The following SLC4A10 variants were observed in gnomAD, a reference collection of about 807,000 sequenced individuals.
SLC4A10 encodes sodium-driven chloride bicarbonate exchanger.
A neutral mutation model predicts 137.7 loss-of-function variants in SLC4A10; 42 were observed. The ratio of observed to expected loss-of-function variants is 0.30; its 90% CI spans 0.24 to 0.39. The LOEUF (loss-of-function observed/expected upper bound fraction) is 0.39, where lower values mean the gene tolerates loss of function less well. SLC4A10 is among the 10% of genes least tolerant of loss of function. The pLI is 1.00. For missense variants in SLC4A10, 925 were observed against 1,355.0 expected (o/e 0.68, Z 4.98); for synonymous variants, 474 against 464.1 (o/e 1.02, Z -0.27).
chr2:161,697,144 G>T (rs1182805711), intron 1 of SLC4A10, among the ~76,000 whole-genome samples: 1 of 151,798 alleles, frequency 6.6e-6, no homozygotes, highest in African/African-American at 2.4e-5. Flanking sequence ...CCCACTTTTT[G>T]ATGGGGTTTT....
intron 16 of SLC4A10, among the ~76,000 whole-genome samples, chr2:161,947,130 T>A (rs977260377): frequency 1.3e-4 from 20 of 152,088 alleles, no homozygotes; most frequent in Non-Finnish European, 2.6e-4. Flanking sequence ...ACATGGAATA[T>A]TAATAATAGC....
chr2:161,939,407 C>G (rs1460164333), intron 15 of SLC4A10, among the ~76,000 whole-genome samples: 1 of 152,096 alleles, frequency 6.6e-6, no homozygotes, highest in Non-Finnish European at 1.5e-5. Flanking sequence ...TTATCCCCAA[C>G]CTTCCTCTTC....
intron 1 of SLC4A10, among the ~76,000 whole-genome samples, chr2:161,690,069 T>C (rs1389203226): frequency 1.3e-5 from 2 of 152,220 alleles, no homozygotes; most frequent in African/African-American, 4.8e-5. Context: ...AGGTCTAATA[T>C]ACAGAATCTA....
chr2:161,833,047 A>G (rs1026203625), intron 3 of SLC4A10, among the ~76,000 whole-genome samples: 3 of 152,174 alleles, frequency 2.0e-5, no homozygotes, highest in Admixed American at 6.5e-5. Context: ...GCCCGGCCGC[A>G]TTTTCTTTCA....
chr2:161,673,710 C>T (rs547571002), intron 1 of SLC4A10, among the ~76,000 whole-genome samples: 2 of 152,236 alleles, frequency 1.3e-5, no homozygotes, highest in South Asian at 4.1e-4. Context: ...TTAACAATGG[C>T]TGGGCACAGT....
At position 161,949,172 on chromosome 2, in the gene SLC4A10, G is replaced by T; in HGVS notation, c.2290G>T (p.Ala764Ser). The change falls in exon 18 of 27, where the codon GCT (alanine) becomes TCT (serine). Residue 764 changes from alanine to serine, a missense_variant. Physicochemically the swap from Ala to Ser is moderately conservative, Grantham distance 99. Coordinates refer to ENST00000446997, the MANE Select transcript of SLC4A10 (RefSeq NM_001178015.2). ...TKVRSIVSDF[A>S]VFLTILCMVL... Reference sequence around the variant, plus strand: ...GGTTCGATCCATAGTGAGTGACTTTGCTGTCTTTCTTACAATTCTGTGTAT... The same window carrying T: ...GGTTCGATCCATAGTGAGTGACTTTTCTGTCTTTCTTACAATTCTGTGTAT... 6.2e-7 allele frequency: 1 copy of T among 1,608,832 alleles called. No individual in the cohort carries two copies. Among genetic ancestry groups the T allele is most frequent in the Non-Finnish European group, 8.5e-7 (1 of 1,177,052 alleles).
intron 3 of SLC4A10, among the ~76,000 whole-genome samples, chr2:161,832,887 C>G (rs2058524568): frequency 6.6e-6 from 1 of 152,076 alleles, no homozygotes; most frequent in Non-Finnish European, 1.5e-5. Flanking sequence ...ATTACAGGCG[C>G]CTGCCACCAC....
chr2:161,791,466 G>C (rs941837715), intron 2 of SLC4A10, among the ~76,000 whole-genome samples: 1 of 152,140 alleles, frequency 6.6e-6, no homozygotes, highest in African/African-American at 2.4e-5. Context: ...AGGCCTGTTG[G>C]AGGGTAGGAG....
In SLC4A10 at chr2:161,660,589, T is replaced by TTTC. The variant is rs1553479844; in HGVS notation, c.48+36026_48+36028dup. Reference sequence around the variant, plus strand: ...CTTTCTTTCTTTCTTTCTTTCTTTCTTTCTTTCTTTCTTTCTTTCTTTCTT... The same window carrying TTTC: ...CTTTCTTTCTTTCTTTCTTTCTTTCTTTCTTCTTTCTTTCTTTCTTTCTTTCTT... On this transcript the variant is annotated intron_variant, in intron 1 of 26. Transcript: ENST00000446997. Among the ~76,000 whole-genome samples, 1,352 of 140,052 alleles carry TTTC rather than the reference T, an allele frequency of 9.7e-3. 19 individuals are homozygous for TTTC. Among genetic ancestry groups the TTTC allele is most frequent in the Middle Eastern group, 0.014 (4 of 276 alleles). 91.9% of individuals were successfully genotyped at this position (140,052 alleles called of 152,430 possible).
At chr2:161,827,727 G>T (rs550444829) in intron 3 of SLC4A10, among the ~76,000 whole-genome samples, 1 of 152,042 alleles carries the variant, frequency 6.6e-6, no homozygotes, top group East Asian at 1.9e-4. Context: ...GCACCAGGCC[G>T]GCTAATTTTT....
intron 1 of SLC4A10, among the ~76,000 whole-genome samples, chr2:161,642,139 A>G (rs1453226581): frequency 6.6e-6 from 1 of 151,990 alleles, no homozygotes; most frequent in Non-Finnish European, 1.5e-5. Context: ...ATGGCCTGGT[A>G]TAGAACTAAA....
chr2:161,646,324 A>G (rs1356569715), intron 1 of SLC4A10, among the ~76,000 whole-genome samples: 2 of 151,980 alleles, frequency 1.3e-5, no homozygotes, highest in South Asian at 2.1e-4. Flanking sequence ...GGTATTTTTT[A>G]TGATGTTCTT....
chr2:161,810,921 AAG>A (rs2056490726), intron 3 of SLC4A10, among the ~76,000 whole-genome samples: 1 of 151,980 alleles, frequency 6.6e-6, no homozygotes, highest in Admixed American at 6.6e-5. Flanking sequence ...AATTTTTTGG[AAG>A]AGTTTTAGTA....
chr2:161,698,402 C>T (rs1187339565), intron 1 of SLC4A10, among the ~76,000 whole-genome samples: 1 of 152,130 alleles, frequency 6.6e-6, no homozygotes, highest in African/African-American at 2.4e-5. Flanking sequence ...AAAGGGAATG[C>T]TTCCAGTTTT....
At chr2:161,926,829 G>T (rs1689234141) in intron 15 of SLC4A10, among the ~76,000 whole-genome samples, 2 of 145,590 alleles carry the variant, frequency 1.4e-5, no homozygotes, top group Admixed American at 6.9e-5. Context: ...GCTTAGTTTG[G>T]CTGGATATGA....
chr2:161,650,229 T>G (rs2036598376), intron 1 of SLC4A10, among the ~76,000 whole-genome samples: 1 of 152,238 alleles, frequency 6.6e-6, no homozygotes, highest in Non-Finnish European at 1.5e-5. Context: ...GAATGTTCCT[T>G]GATTCGGACT....
intron 1 of SLC4A10, among the ~76,000 whole-genome samples, chr2:161,727,268 A>T (rs904042093): frequency 6.6e-6 from 1 of 152,228 alleles, no homozygotes; most frequent in Non-Finnish European, 1.5e-5. Flanking sequence ...TAACCAGCTC[A>T]AGAAGAAAGC....
At chr2:161,944,750 A>G (rs973165163) in intron 16 of SLC4A10, among the ~76,000 whole-genome samples, 5 of 151,776 alleles carry the variant, frequency 3.3e-5, no homozygotes, top group Non-Finnish European at 7.4e-5. Flanking sequence ...GGAATACTAT[A>G]TAATGAAAAC....
At chr2:161,804,689 A>G (rs1325239078) in intron 3 of SLC4A10, 94 bp downstream of exon 3, 1 of 1,176,168 alleles carries the variant, frequency 8.5e-7, no homozygotes, top group African/African-American at 1.6e-5. Flanking sequence ...TACTCATAAA[A>G]TTGTTTATAC....
Sources: gnomAD v4.1 joint callset for allele counts (sites outside exome capture counted in the v4.1 genomes callset) on GRCh38, gnomAD v4.1.1 for gene constraint, MANE v1.5 for transcripts, NCBI Gene and HGNC (gene_info 2026-07-23, HGNC 2026-07-21) for gene names.